Variants in NREP observed in about 807,000 individuals in gnomAD.
NREP encodes the protein neuronal regeneration related protein.
A neutral mutation model predicts 8.6 loss-of-function variants in NREP; 5 were observed. The observed-to-expected ratio is 0.58, with a 90% CI of 0.30 to 1.22. The LOEUF is 1.22. Among genes scored for constraint, NREP ranks in the 50% most tolerant of loss-of-function variants. NREP has a pLI of 0.07. For missense variants in NREP, 86 were observed against 82.5 expected (o/e 1.04, Z -0.17); for synonymous variants, 27 against 28.0 (o/e 0.96, Z 0.11).
At chr5:111,975,127 G>A in intron 2 of NREP, 1 of 631,512 alleles carries the variant, frequency 1.6e-6, no homozygotes, top group African/African-American at 1.8e-5. Context: ...GAAATAGGCT[G>A]AAAAGCCTGA....
Position 111,730,220 on chromosome 5 carries a change from G to GA in NREP, c.*700dup, listed in dbSNP as rs2112769702. 2.0e-5 allele frequency: 3 copies of GA among 152,574 alleles called. 1 individual carries two copies. In the South Asian group the frequency reaches 6.3e-4, roughly 32 times the overall value. 9.5% of individuals were successfully genotyped at this position (152,574 alleles called of 1,614,324 possible). A position where few individuals can be genotyped will look rare whatever the true frequency, so the allele number is the denominator to read the frequency against. ...CAACACTGAGGAAGAAAGCCACACTGAAGACACAAGGAAAACAAGTCAATC... is the reference window on the plus strand; with the variant it reads ...CAACACTGAGGAAGAAAGCCACACTGAAAGACACAAGGAAAACAAGTCAATC... On this transcript the variant is annotated 3_prime_UTR_variant, in exon 4 of 4. Transcript: ENST00000257435.
chr5:111,851,926 C>A (rs1324403220), intron 2 of NREP, among the ~76,000 whole-genome samples: 1 of 152,084 alleles, frequency 6.6e-6, no homozygotes, highest in Non-Finnish European at 1.5e-5. Context: ...TAAAAAGAGA[C>A]AATGTCCTGT....
chr5:111,892,732 T>C (rs531894831), intron 2 of NREP, among the ~76,000 whole-genome samples: 1 of 152,256 alleles, frequency 6.6e-6, no homozygotes, highest in African/African-American at 2.4e-5. Context: ...CTCTTCTGAA[T>C]GTATTAACAA....
chr5:111,807,145 G>T (rs764675838), intron 2 of NREP, among the ~76,000 whole-genome samples: 3 of 151,948 alleles, frequency 2.0e-5, no homozygotes, highest in Non-Finnish European at 4.4e-5. Flanking sequence ...AAAACTTCAT[G>T]TTTCTATTGA....
chr5:111,921,887 G>C (rs1306689073), intron 2 of NREP, among the ~76,000 whole-genome samples: 2 of 151,998 alleles, frequency 1.3e-5, no homozygotes, highest in African/African-American at 4.8e-5. Flanking sequence ...GTTTATCAGG[G>C]GTTTCCACTT....
intron 2 of NREP, among the ~76,000 whole-genome samples, chr5:111,784,083 G>T (rs1751555691): frequency 6.6e-6 from 1 of 152,176 alleles, no homozygotes; most frequent in Non-Finnish European, 1.5e-5. Context: ...TCAGCAAGAA[G>T]AGGACTCTGC....
intron 2 of NREP, among the ~76,000 whole-genome samples, chr5:111,901,097 G>T (rs1483120171): frequency 2.0e-5 from 3 of 152,052 alleles, no homozygotes; most frequent in Non-Finnish European, 4.4e-5. Flanking sequence ...TGCAAGAATG[G>T]TTCAACATGT....
chr5:111,915,408 G>A, intron 2 of NREP, among the ~76,000 whole-genome samples: 1 of 151,854 alleles, frequency 6.6e-6, no homozygotes, highest in East Asian at 1.9e-4. Flanking sequence ...CCTGACCTAA[G>A]ATACCAGCTC....
At chr5:111,762,961 C>T (rs1427908245) in intron 2 of NREP, among the ~76,000 whole-genome samples, 1 of 152,168 alleles carries the variant, frequency 6.6e-6, no homozygotes, top group Non-Finnish European at 1.5e-5. Context: ...CAGAAGGTTG[C>T]TTACATATGT....
chr5:111,961,162 G>T (rs1436720510), intron 2 of NREP, among the ~76,000 whole-genome samples: 2 of 152,150 alleles, frequency 1.3e-5, no homozygotes, highest in Non-Finnish European at 2.9e-5. Flanking sequence ...TAAGTAGTTA[G>T]GCCAGAACGA....
At chr5:111,774,419 G>T (rs1751310888) in intron 2 of NREP, among the ~76,000 whole-genome samples, 1 of 152,164 alleles carries the variant, frequency 6.6e-6, no homozygotes, top group Non-Finnish European at 1.5e-5. Context: ...ATATAATTAA[G>T]GTTGCAGACC....
intron 2 of NREP, among the ~76,000 whole-genome samples, chr5:111,933,291 A>T (rs924388752): frequency 6.6e-6 from 1 of 152,022 alleles, no homozygotes; most frequent in Non-Finnish European, 1.5e-5. Context: ...CTGTGGTTCA[A>T]ATGAGGACAC....
chr5:111,822,261 G>A (rs1026007151), intron 2 of NREP, among the ~76,000 whole-genome samples: 2 of 152,184 alleles, frequency 1.3e-5, no homozygotes, highest in African/African-American at 2.4e-5. Flanking sequence ...AAAGAATAAT[G>A]AGCTCAAGAT....
At chr5:111,814,514 G>C (rs1193929051) in intron 2 of NREP, among the ~76,000 whole-genome samples, 1 of 152,070 alleles carries the variant, frequency 6.6e-6, no homozygotes, top group East Asian at 1.9e-4. Flanking sequence ...CCCCTCTTTT[G>C]AGAAACAGTA....
At chr5:111,971,148 T>C (rs636475) in intron 2 of NREP, among the ~76,000 whole-genome samples, 2,865 of 152,292 alleles carry the variant, frequency 0.019, 85 homozygotes, top group African/African-American at 0.065. Context: ...GATTCAAAAT[T>C]GGTATGAGGA....
intron 2 of NREP, among the ~76,000 whole-genome samples, chr5:111,774,574 G>A (rs531930945): frequency 1.3e-5 from 2 of 152,300 alleles, no homozygotes; most frequent in East Asian, 3.9e-4. Flanking sequence ...GTGTAAACGA[G>A]TCAGTGTCCT....
intron 2 of NREP, among the ~76,000 whole-genome samples, chr5:111,806,390 A>G (rs1752141413): frequency 6.6e-6 from 1 of 152,072 alleles, no homozygotes; most frequent in Admixed American, 6.5e-5. Flanking sequence ...AAAATGTGTT[A>G]CTCTTCATCC....
chr5:111,964,452 C>T (rs906741746), intron 2 of NREP, among the ~76,000 whole-genome samples: 1 of 152,052 alleles, frequency 6.6e-6, no homozygotes, highest in African/African-American at 2.4e-5. Context: ...ACTGCAACCT[C>T]GCCTCCTGTG....
chr5:111,951,189 G>A (rs1756150841), intron 2 of NREP, among the ~76,000 whole-genome samples: 2 of 151,950 alleles, frequency 1.3e-5, no homozygotes, highest in Admixed American at 6.6e-5. Flanking sequence ...TATTTATAGT[G>A]CTATGGAGGG....
Sources: gnomAD v4.1 joint callset for allele counts (sites outside exome capture counted in the v4.1 genomes callset) on GRCh38, gnomAD v4.1.1 for gene constraint, MANE v1.5 for transcripts, NCBI Gene and HGNC (gene_info 2026-07-23, HGNC 2026-07-21) for gene names.